BANP: variants seen among roughly 807,000 people sequenced by gnomAD.
BANP encodes the protein protein BANP.
A neutral mutation model predicts 68.1 loss-of-function variants in BANP; 11 were observed. The ratio of observed to expected loss-of-function variants is 0.16; its 90% CI spans 0.10 to 0.27. The LOEUF (loss-of-function observed/expected upper bound fraction) is 0.27, where lower values mean the gene tolerates loss of function less well. Among genes scored for constraint, BANP ranks in the 10% least tolerant of loss-of-function variants. BANP has a pLI of 1.00. For missense variants in BANP, 504 were observed against 722.7 expected (o/e 0.70, Z 3.47); for synonymous variants, 329 against 303.2 (o/e 1.09, Z -0.88).
At chr16:87,976,919 T>A (rs1309152361) in intron 2 of BANP, among the ~76,000 whole-genome samples, 3 of 152,248 alleles carry the variant, frequency 2.0e-5, no homozygotes, top group African/African-American at 7.2e-5. Context: ...CACTGTAATC[T>A]TGTAAAATGA....
chr16:88,035,423 C>T, intron 10 of BANP, 29 bp downstream of exon 10: 3 of 1,567,552 alleles, frequency 1.9e-6, no homozygotes, highest in Non-Finnish European at 2.6e-6. Flanking sequence ...CAGCACTGTC[C>T]CTGCAGGCAC....
chr16:88,039,949 C>G (rs1429757916), intron 11 of BANP, among the ~76,000 whole-genome samples: 1 of 152,194 alleles, frequency 6.6e-6, no homozygotes, highest in African/African-American at 2.4e-5. Flanking sequence ...ATAAAGCTGC[C>G]GTACTACCAC....
At position 87,961,414 on chromosome 16, in the gene BANP, C is replaced by CCCCCG. The variant is rs946756028; in HGVS notation, c.-69+9901_-69+9902insCCGCC. Among the ~76,000 whole-genome samples, 25 of 142,376 alleles carry CCCCCG rather than the reference C, an allele frequency of 1.8e-4. 1 individual carries two copies. The highest frequency in any genetic ancestry group is 7.5e-5 in the African/African-American group (3 of 39,782). 93.4% of individuals were successfully genotyped at this position (142,376 alleles called of 152,430 possible). A position where few individuals can be genotyped will look rare whatever the true frequency, so the allele number is the denominator to read the frequency against. ...CCTGGACTCACAGAATCTGCACCCCCCCGGGCCTCCCAAAGTGCTGGGATT... is the reference window on the plus strand; with the variant it reads ...CCTGGACTCACAGAATCTGCACCCCCCCCCGCCGGGCCTCCCAAAGTGCTGGGATT... On this transcript the variant is annotated intron_variant, in intron 1 of 13. Transcript: ENST00000682872.
intron 11 of BANP, among the ~76,000 whole-genome samples, chr16:88,058,446 C>T (rs934669504): frequency 1.3e-5 from 2 of 152,184 alleles, no homozygotes; most frequent in East Asian, 1.9e-4. Flanking sequence ...CCCAGTTCCA[C>T]GGCAGTGCTG....
At position 88,010,896 on chromosome 16, in the gene BANP, G is replaced by A. The variant is rs569569676; in HGVS notation, c.655+4631G>A. On this transcript the variant is annotated intron_variant, in intron 6 of 13. Transcript: ENST00000682872. ...CCTCGCAGTGCACGGAATGCCATTC[G>A]TGCACATGGAAAGGAGAGCATTTAT... is the stretch of plus-strand genomic sequence containing the variant. Among the ~76,000 whole-genome samples the A allele has an allele frequency of 6.6e-5, 10 of 152,346 alleles. No homozygotes were observed. In the East Asian group the frequency reaches 1.9e-3, roughly 29 times the overall value.
rs139770048 is a variant in BANP at position 88,006,289 on chromosome 16, G to A, written c.655+24G>A. ...AGGTGCGTCCAGGGCGGCTTTCCTC[G>A]GCCAGAGCGCCAGTACAATTGTTTG... On this transcript the variant is annotated intron_variant, in intron 6 of 13. Transcript: ENST00000682872. 14,069 of 1,565,434 alleles carry A rather than the reference G, an allele frequency of 9.0e-3. 80 individuals are homozygous for A. The highest frequency in any genetic ancestry group is 0.011 in the Admixed American group (567 of 53,822).
Position 87,997,726 on chromosome 16 carries a change from T to C in BANP, c.363-6569T>C, listed in dbSNP as rs566823298. On this transcript the variant is annotated intron_variant, in intron 4 of 13. Transcript: ENST00000682872. ...TAGCCAGGATAGCTGGGTGAGACCA[T>C]GTGTTCGTGGTAAAGTGGGTGAAAT... Among the ~76,000 whole-genome samples the C allele has an allele frequency of 2.8e-3, 427 of 152,286 alleles. 1 individual carries two copies. Among genetic ancestry groups the C allele is most frequent in the South Asian group, 5.0e-3 (24 of 4,822 alleles).
intron 7 of BANP, among the ~76,000 whole-genome samples, chr16:88,019,833 C>T (rs1357175522): frequency 1.5e-4 from 23 of 152,280 alleles, no homozygotes; most frequent in African/African-American, 5.5e-4. Context: ...AGTGGAAGGG[C>T]TCCGCTGTTC....
At chr16:88,068,765 G>A (rs552264755) in intron 12 of BANP, among the ~76,000 whole-genome samples, 14 of 152,154 alleles carry the variant, frequency 9.2e-5, no homozygotes, top group African/African-American at 2.7e-4. Context: ...AGCCTTGCCC[G>A]GTCTGTTCCC....
intron 11 of BANP, among the ~76,000 whole-genome samples, chr16:88,046,517 GTTC>G (rs1369439512): frequency 1.3e-5 from 2 of 151,998 alleles, no homozygotes; most frequent in Non-Finnish European, 2.9e-5. Context: ...CATTGTTTAT[GTTC>G]TTTTTTTAAT....
At chr16:88,006,534 T>G (rs2071189755) in intron 6 of BANP, among the ~76,000 whole-genome samples, 1 of 150,940 alleles carries the variant, frequency 6.6e-6, no homozygotes, top group South Asian at 2.1e-4. Context: ...TAATCCCAGC[T>G]ACTCGGGAGG....
intron 7 of BANP, among the ~76,000 whole-genome samples, chr16:88,020,118 G>T: frequency 6.6e-6 from 1 of 152,190 alleles, no homozygotes; most frequent in East Asian, 1.9e-4. Context: ...GAGTAAAGCA[G>T]GTCAAGAGGA....
chr16:88,052,265 C>T (rs1206074249), intron 11 of BANP, among the ~76,000 whole-genome samples: 1 of 152,186 alleles, frequency 6.6e-6, no homozygotes, highest in Non-Finnish European at 1.5e-5. Flanking sequence ...AGCTGAAATA[C>T]ACCTTCTAAA....
chr16:87,987,005 T>G (rs1009027799), intron 4 of BANP, among the ~76,000 whole-genome samples: 1 of 152,250 alleles, frequency 6.6e-6, no homozygotes, highest in Non-Finnish European at 1.5e-5. Context: ...TTTCTCATAG[T>G]TTTAAATAGG....
chr16:88,075,620 C>T (rs567196461), intron 13 of BANP, among the ~76,000 whole-genome samples: 1 of 152,312 alleles, frequency 6.6e-6, no homozygotes, highest in South Asian at 2.1e-4. Flanking sequence ...GTTCCTGTGC[C>T]TTCCAGCTGA....
At chr16:88,074,260 A>G (rs2091113408) in intron 13 of BANP, among the ~76,000 whole-genome samples, 1 of 152,182 alleles carries the variant, frequency 6.6e-6, no homozygotes, top group Non-Finnish European at 1.5e-5. Flanking sequence ...CATGGGTCAG[A>G]GCAGGGTCAC....
upstream of BANP, among the ~76,000 whole-genome samples, chr16:87,949,985 C>G (rs1207072645): frequency 1.3e-5 from 2 of 151,546 alleles, no homozygotes; most frequent in African/African-American, 4.8e-5. Context: ...TCACGCCATT[C>G]TCCCGCCTCA....
In BANP at chr16:88,002,647, G is replaced by T. The variant is rs1283673128; in HGVS notation, c.363-1648G>T. On this transcript the variant is annotated intron_variant, in intron 4 of 13. Coordinates refer to ENST00000682872, the MANE Select transcript of BANP (RefSeq NM_001386991.1). The surrounding 1 kb of genome is among the most constrained non-coding windows in gnomAD (Gnocchi z 4.6). ...CCCCAGAAGCTGTGGGGCACCCGAG[G>T]GGCACATTATTCCAGTTGGGAGCTG... Among the ~76,000 whole-genome samples, 1 of 152,110 alleles carries T rather than the reference G, an allele frequency of 6.6e-6. No homozygotes were observed. The highest frequency in any genetic ancestry group is 2.4e-5 in the African/African-American group (1 of 41,414).
Position 88,036,184 on chromosome 16 carries a change from G to A in BANP, c.1272+790G>A, listed in dbSNP as rs138866127. 0.013 allele frequency among the ~76,000 whole-genome samples: 1,905 copies of A among 152,348 alleles called. 46 individuals are homozygous for A. The highest frequency in any genetic ancestry group is 0.044 in the African/African-American group (1,837 of 41,570). ...ACGTGTTGTACTCAGTGACCGTGGT[G>A]CGCTCTGGGGGATGAGGAACATGGC... On this transcript the variant is annotated intron_variant, in intron 10 of 13. Transcript: ENST00000682872. This position sits in a 1 kb window ranked among gnomAD's most constrained non-coding sequence, Gnocchi z 4.2.
Sources: gnomAD v4.1 joint callset for allele counts (sites outside exome capture counted in the v4.1 genomes callset) on GRCh38, gnomAD v4.1.1 for gene constraint, Gnocchi (gnomAD v3.1) non-coding constraint, MANE v1.5 for transcripts, NCBI Gene and HGNC (gene_info 2026-07-23, HGNC 2026-07-21) for gene names.